The following ANO9 variants were observed in gnomAD, a reference collection of about 807,000 sequenced individuals.
ANO9 encodes anoctamin 9.
ANO9 carries 80 observed loss-of-function variants against 100.5 expected under a neutral mutation model. That is an observed-to-expected ratio of 0.80 (90% CI 0.66 to 0.96). The LOEUF is 0.96. Among genes scored for constraint, ANO9 ranks in the 40% least tolerant of loss-of-function variants. ANO9 has a pLI of 0.00. For synonymous variants in ANO9, 473 were observed against 435.6 expected (o/e 1.09, Z -1.07); for missense variants, 1,064 against 1,072.7 (o/e 0.99, Z 0.11).
At chr11:433,200 G>A (rs1022673119) in intron 4 of ANO9, 114 bp downstream of exon 4, 39 of 1,422,016 alleles carry the variant, frequency 2.7e-5, no homozygotes, top group Middle Eastern at 2.4e-4. Context: ...GAGACCACAC[G>A]GCTGTCCTGC....
In ANO9 at chr11:431,917, G is replaced by A; in HGVS notation, c.407-11C>T. The A allele has an allele frequency of 3.1e-6, 5 of 1,611,432 alleles. No individual in the cohort carries two copies. Among genetic ancestry groups the A allele is most frequent in the Non-Finnish European group, 4.2e-6 (5 of 1,178,628 alleles). ...GATCCTCGAAGGTCTCTGGGTCACA[G>A]GGGTTCACGAGTCAGGGGGAGTGAG... is the stretch of plus-strand genomic sequence containing the variant. On this transcript the variant is annotated splice_polypyrimidine_tract_variant and intron_variant, in intron 5 of 22. Transcript: ENST00000332826.
In ANO9 at chr11:418,229, C is replaced by T; in HGVS notation, c.*142G>A. The stretch of plus-strand genomic sequence containing the variant: ...CGGAATAGGGTGGCAGCTCACAGCC[C>T]TGAACATACAGGGGATTCCTGCGGC... On this transcript the variant is annotated 3_prime_UTR_variant, in exon 23 of 23. Transcript: ENST00000332826. 1.2e-6 allele frequency: 1 copy of T among 856,444 alleles called. No individual in the cohort carries two copies. 53.1% of individuals were successfully genotyped at this position (856,444 alleles called of 1,614,324 possible).
rs759143459 is a variant in ANO9, at chr11:420,603, C to T, written c.1646G>A (p.Gly549Asp). The T allele has an allele frequency of 5.6e-6, 9 of 1,604,856 alleles. No individual in the cohort carries two copies. In the South Asian group the frequency reaches 7.7e-5, roughly 14 times the overall value. The change falls in exon 19 of 23, where the codon GGC (glycine) becomes GAC (aspartate). Residue 549 changes from glycine (G) to aspartate (D), a missense_variant. Physicochemically the swap from Gly to Asp is moderately conservative, Grantham distance 94. Transcript: ENST00000332826. ...DEFMEMMIQY[G>D]FTTIFVAAFP... ...GGCGGCCACGAAGATGGTGGTGAAGCCGTACTGGATCACTGCGCGGTGGGG... is the reference window on the plus strand; with the variant it reads ...GGCGGCCACGAAGATGGTGGTGAAGTCGTACTGGATCACTGCGCGGTGGGG...
chr11:437,711 T>C (rs559423082), intron 1 of ANO9, among the ~76,000 whole-genome samples: 6 of 152,290 alleles, frequency 3.9e-5, no homozygotes, highest in Admixed American at 6.5e-5. Flanking sequence ...ACTGGTGGTC[T>C]GGGGGACGTG....
At chr11:438,484 G>GC (rs1213426575) in intron 1 of ANO9, among the ~76,000 whole-genome samples, 1 of 145,934 alleles carries the variant, frequency 6.9e-6, no homozygotes, top group Non-Finnish European at 1.5e-5. Context: ...GGCAGGTGTA[G>GC]CCCCCCCAAC....
intron 1 of ANO9, among the ~76,000 whole-genome samples, chr11:437,198 CTGA>C (rs1845421001): frequency 6.6e-6 from 1 of 152,032 alleles, no homozygotes; most frequent in South Asian, 2.1e-4. Flanking sequence ...AATCTAATGC[CTGA>C]TGATCTGAGG....
intron 1 of ANO9, among the ~76,000 whole-genome samples, chr11:438,565 C>A (rs558404040): frequency 1.3e-5 from 2 of 151,812 alleles, no homozygotes; most frequent in African/African-American, 4.8e-5. Flanking sequence ...CCTCCAGGAC[C>A]GGGCCGTCCA....
Position 433,935 on chromosome 11 carries a change from G to C in ANO9, c.84C>G (p.Thr28=). The change falls in exon 3 of 23, where the codon ACC becomes ACG. Residue 28 remains threonine (T), a splice_region_variant and synonymous_variant. Coordinates refer to ENST00000332826, the MANE Select transcript of ANO9 (RefSeq NM_001012302.3). The part of the protein sequence containing the change: ...FPLMEISTCE[T]EASEQWDYVL... Reference sequence around the variant, plus strand: ...CATAGTCCCACTGCTCGGAGGCCTCGGTCTGCAGGGAGGAGGCATGGGGCC... The same window carrying C: ...CATAGTCCCACTGCTCGGAGGCCTCCGTCTGCAGGGAGGAGGCATGGGGCC... 2 of 1,560,364 alleles carry C rather than the reference G, an allele frequency of 1.3e-6. No homozygotes were observed. Among genetic ancestry groups the C allele is most frequent in the Non-Finnish European group, 1.7e-6 (2 of 1,152,002 alleles).
Position 420,736 on chromosome 11 carries a change from C to A in ANO9, c.1615G>T (p.Asp539Tyr), listed in dbSNP as rs775066944. Residue 539 changes from aspartate (D) to tyrosine (Y), a missense_variant, in exon 18 of 23, where the codon GAC becomes TAC. Physicochemically the swap from Asp to Tyr is radical, Grantham distance 160 (BLOSUM62 -3). Coordinates refer to ENST00000332826, the MANE Select transcript of ANO9 (RefSeq NM_001012302.3). ...LNPVNTFSLFDEFMEMMIQYG... is the reference protein window; with the variant it reads ...LNPVNTFSLFYEFMEMMIQYG... ...CACGCACTCATCTCCATGAACTCGTCGAACAGGCTGAAGGTGTTGACCGGG... is the reference window on the plus strand; with the variant it reads ...CACGCACTCATCTCCATGAACTCGTAGAACAGGCTGAAGGTGTTGACCGGG... 6.2e-7 allele frequency: 1 copy of A among 1,608,610 alleles called. No homozygotes were observed. The highest frequency in any genetic ancestry group is 8.5e-7 in the Non-Finnish European group (1 of 1,178,704).
chr11:438,222 C>A (rs1045448223), intron 1 of ANO9, among the ~76,000 whole-genome samples: 2 of 152,038 alleles, frequency 1.3e-5, no homozygotes, highest in Non-Finnish European at 2.9e-5. Flanking sequence ...GCCCTCCCCC[C>A]AGGGCAGAGC....
rs940696345 is a variant in ANO9 at position 434,032 on chromosome 11, T to G, written c.73A>C (p.Thr25Pro). 1.0e-5 allele frequency: 16 copies of G among 1,550,838 alleles called. No individual in the cohort carries two copies. The highest frequency in any genetic ancestry group is 1.4e-5 in the Non-Finnish European group (16 of 1,147,336). The change falls in exon 2 of 23, where the codon ACC becomes CCC. Residue 25 changes from threonine (T) to proline (P), a missense_variant. Transcript: ENST00000332826. The part of the protein sequence containing the change: ...GDSFPLMEIS[T>P]CETEASEQWD... ...GGCCCCCGGACACCCACCTCACAGG[T>G]GCTGATCTCCATCAGCGGGAAGCTG...
At position 432,373 on chromosome 11, in the gene ANO9, C is replaced by T; in HGVS notation, c.351-319G>A. 4.4e-6 allele frequency: 2 copies of T among 454,340 alleles called. No individual in the cohort carries two copies. The highest frequency in any genetic ancestry group is 8.1e-6 in the Non-Finnish European group (2 of 245,988). 28.1% of individuals were successfully genotyped at this position (454,340 alleles called of 1,614,324 possible). A position where few individuals can be genotyped will look rare whatever the true frequency, so the allele number is the denominator to read the frequency against. On this transcript the variant is annotated intron_variant, in intron 4 of 22. Coordinates refer to ENST00000332826, the MANE Select transcript of ANO9 (RefSeq NM_001012302.3). The surrounding 1 kb of genome is among the most constrained non-coding windows in gnomAD (Gnocchi z 4.8). ...TGCAACCACACCTCCCACCTGCGGG[C>T]CCCATGTGTCCAGAGCACACCCCAG...
At chr11:429,515 G>T in intron 11 of ANO9, 55 bp downstream of exon 11, 8 of 1,600,874 alleles carry the variant, frequency 5.0e-6, no homozygotes, top group Non-Finnish European at 6.8e-6. Flanking sequence ...AGGGCATCGG[G>T]CGCCAACAGC....
intron 8 of ANO9, 35 bp from the exon 9 acceptor site, chr11:430,214 T>G: frequency 6.5e-7 from 1 of 1,550,128 alleles, no homozygotes; most frequent in Non-Finnish European, 8.7e-7. Context: ...GGTCGGCTCC[T>G]CCAGGCAGCA....
intron 7 of ANO9, 53 bp downstream of exon 7, chr11:431,641 G>T (rs373381257): frequency 6.3e-7 from 1 of 1,596,460 alleles, no homozygotes; most frequent in Non-Finnish European, 8.5e-7. Flanking sequence ...GGGGGCGTCC[G>T]CAGGAGGCGG....
Position 421,372 on chromosome 11 carries a change from A to ACG in ANO9, c.1335-175_1335-174insCG. On this transcript the variant is annotated intron_variant, in intron 15 of 22. Coordinates refer to ENST00000332826, the MANE Select transcript of ANO9 (RefSeq NM_001012302.3). The surrounding 1 kb of genome is among the most constrained non-coding windows in gnomAD (Gnocchi z 6.8). ...GAACCGCACCCGCACGTGGGCACGCACACACACACACACACACACAGGGGA... is the reference window on the plus strand; with the variant it reads ...GAACCGCACCCGCACGTGGGCACGCACGCACACACACACACACACACAGGGGA... The ACG allele has an allele frequency of 5.1e-6, 1 of 197,528 alleles. No homozygotes were observed. Among genetic ancestry groups the ACG allele is most frequent in the Non-Finnish European group, 1.0e-5 (1 of 100,296 alleles). 12.2% of individuals were successfully genotyped at this position (197,528 alleles called of 1,614,324 possible).
intron 1 of ANO9, among the ~76,000 whole-genome samples, chr11:434,332 A>G (rs562660724): frequency 2.6e-5 from 4 of 152,330 alleles, no homozygotes; most frequent in East Asian, 3.9e-4. Context: ...CTACAAATGC[A>G]AAAGGGAAGA....
At chr11:427,953 A>T (rs955972067) in intron 15 of ANO9, 135 bp downstream of exon 15, 3 of 178,932 alleles carry the variant, frequency 1.7e-5, no homozygotes, top group Admixed American at 7.0e-5. Context: ...CTTTGCTCAC[A>T]TGTCTCTAGA....
chr11:433,061 C>T (rs956053752), intron 4 of ANO9: 1 of 510,990 alleles, frequency 2.0e-6, no homozygotes, highest in Non-Finnish European at 3.4e-6. Context: ...ACTGTGTCCC[C>T]AGGAACACAG....
Sources: gnomAD v4.1 joint callset for allele counts (sites outside exome capture counted in the v4.1 genomes callset) on GRCh38, gnomAD v4.1.1 for gene constraint, Gnocchi (gnomAD v3.1) non-coding constraint, MANE v1.5 for transcripts, NCBI Gene and HGNC (gene_info 2026-07-23, HGNC 2026-07-21) for gene names.